Variants in TFRC observed in about 807,000 individuals in gnomAD.
The protein encoded by TFRC is transferrin receptor, also known as transferrin receptor protein 1.
A neutral mutation model predicts 85.8 loss-of-function variants in TFRC; 35 were observed. The ratio of observed to expected loss-of-function variants is 0.41; its 90% confidence interval spans 0.31 to 0.54. The LOEUF is 0.54. Among genes scored for constraint, TFRC ranks in the 20% least tolerant of loss-of-function variants. TFRC has a pLI of 0.31. For synonymous variants in TFRC, 362 were observed against 328.6 expected, an observed-to-expected ratio of 1.10 and a Z score of -1.10; for missense variants, 828 against 921.5, an observed-to-expected ratio of 0.90 and a Z score of 1.31.
chr3:196,069,604 G>T, intron 6 of TFRC, 36 bp from the exon 7 acceptor site: 1 of 1,294,624 alleles, frequency 7.7e-7, no homozygotes, highest in Non-Finnish European at 1.1e-6. Context: ...GAGCATTATG[G>T]TATCGGAACA....
At chr3:196,075,520 G>C (rs17091577) in intron 2 of TFRC, among the ~76,000 whole-genome samples, 160 bp from the exon 3 acceptor site, 1,664 of 152,118 alleles carry the variant, frequency 0.011, 30 homozygotes, top group African/African-American at 0.038. Context: ...CCCAGTCAAG[G>C]GCTAGTTCAC....
At chr3:196,063,043 C>A (rs1389648945) in intron 11 of TFRC, 104 bp from the exon 12 acceptor site, 23 of 776,682 alleles carry the variant, frequency 3.0e-5, no homozygotes, top group Non-Finnish European at 4.1e-5. Context: ...TCCAAGATAG[C>A]AGATTCCAAA....
In TFRC at chr3:196,080,665, GTCTA is replaced by G. The variant is rs1171597179; in HGVS notation, c.-24+1374_-24+1377del. Among the ~76,000 whole-genome samples the G allele has an allele frequency of 4.6e-5, 7 of 152,260 alleles. No homozygotes were observed. In the East Asian group the frequency reaches 1.2e-3, roughly 25 times the overall value. ...TTAGGGCGGAGTTAGCCAAACTGCT[GTCTA>G]TCTAACAATCTTCAACACAGGCTAG... On this transcript the variant is annotated intron_variant, in intron 1 of 18. Coordinates refer to ENST00000360110, the MANE Select transcript of TFRC (RefSeq NM_001128148.3).
chr3:196,065,802 C>T (rs756510421), intron 9 of TFRC, among the ~76,000 whole-genome samples: 11 of 151,932 alleles, frequency 7.2e-5, no homozygotes, highest in East Asian at 3.9e-4. Context: ...CCAGCCTGAC[C>T]GACATGGTGA....
chr3:196,071,691 AG>A (rs1275908463), intron 5 of TFRC, among the ~76,000 whole-genome samples, 193 bp from the exon 6 acceptor site: 6 of 152,226 alleles, frequency 3.9e-5, no homozygotes, highest in African/African-American at 1.4e-4. Context: ...TGGGAGGCCC[AG>A]GCGGGCTGAT....
intron 2 of TFRC, among the ~76,000 whole-genome samples, chr3:196,076,336 G>A (rs555608168): frequency 1.3e-5 from 2 of 151,742 alleles, no homozygotes; most frequent in Non-Finnish European, 2.9e-5. Flanking sequence ...ATAGAGATGG[G>A]CTTGCTATGT....
rs559298524 is a variant in TFRC, at chr3:196,057,178, G to A, written c.1677+1106C>T. On this transcript the variant is annotated intron_variant, in intron 16 of 18. Transcript: ENST00000360110. ...GAAGTAAAAACTAAAAGGCAGAGGT[G>A]GACAGCCCAGCGCTGCCGCACCCTG... Among the ~76,000 whole-genome samples the A allele has an allele frequency of 1.4e-4, 22 of 152,298 alleles. No homozygotes were observed. In the South Asian group the frequency reaches 4.4e-3, roughly 30 times the overall value.
At chr3:196,072,283 A>T in intron 4 of TFRC, 131 bp from the exon 5 acceptor site, 1 of 1,225,712 alleles carries the variant, frequency 8.2e-7, no homozygotes. Context: ...CTGTGACCCA[A>T]AACTTCTAGA....
chr3:196,058,883 T>C, intron 14 of TFRC: 1 of 253,258 alleles, frequency 3.9e-6, no homozygotes, highest in South Asian at 6.4e-5. Context: ...AAAGTGGGCC[T>C]AGGCCGGGTG....
chr3:196,060,109 CAG>C, intron 14 of TFRC, 69 bp downstream of exon 14: 1 of 1,203,490 alleles, frequency 8.3e-7, no homozygotes, highest in Non-Finnish European at 1.2e-6. Flanking sequence ...GTTTACATAT[CAG>C]TGTTTTTTAT....
At chr3:196,077,821 T>C (rs1718836046) in intron 1 of TFRC, among the ~76,000 whole-genome samples, 1 of 151,994 alleles carries the variant, frequency 6.6e-6, no homozygotes, top group South Asian at 2.1e-4. Flanking sequence ...CCAGTTATGC[T>C]ACAAATACCA....
chr3:196,074,869 A>C (rs1577251747), intron 3 of TFRC, among the ~76,000 whole-genome samples: 4 of 125,294 alleles, frequency 3.2e-5, no homozygotes, highest in Admixed American at 8.5e-5. Flanking sequence ...ACAGAGTGAG[A>C]CTCCAACTCA....
chr3:196,052,966 G>A (rs41298081), intron 18 of TFRC, among the ~76,000 whole-genome samples: 3,004 of 151,946 alleles, frequency 0.02, 92 homozygotes, highest in African/African-American at 0.069. Flanking sequence ...TACAAAAAAT[G>A]AGCCGGGCGT....
At chr3:196,063,807 C>T (rs1163209308) in intron 11 of TFRC, among the ~76,000 whole-genome samples, 1 of 152,110 alleles carries the variant, frequency 6.6e-6, no homozygotes, top group Non-Finnish European at 1.5e-5. Flanking sequence ...ATCCCAGCTA[C>T]TCAGGAGGCT....
chr3:196,059,617 T>A (rs7349507), intron 14 of TFRC, among the ~76,000 whole-genome samples: 44,874 of 151,642 alleles, frequency 0.3, 7,378 homozygotes, highest in Non-Finnish European at 0.38. Flanking sequence ...TTTATTTATT[T>A]TTTTTTTAAT....
chr3:196,058,275 C>T lies in TFRC; in HGVS notation c.1677+9G>A, dbSNP rs369386507. On this transcript the variant is annotated intron_variant, in intron 16 of 18. Transcript: ENST00000360110. ...TCTCTCCATTTGTCATTTAAATGAACAGACTTACCTCGCAAAAACAGAAAG... is the reference window on the plus strand; with the variant it reads ...TCTCTCCATTTGTCATTTAAATGAATAGACTTACCTCGCAAAAACAGAAAG... The T allele has an allele frequency of 2.6e-5, 42 of 1,611,126 alleles. No homozygotes were observed. Among genetic ancestry groups the T allele is most frequent in the Non-Finnish European group, 1.7e-6 (2 of 1,178,222 alleles).
At chr3:196,058,113 T>G in intron 16 of TFRC, 171 bp downstream of exon 16, 1 of 505,958 alleles carries the variant, frequency 2.0e-6, no homozygotes, top group Non-Finnish European at 3.6e-6. Flanking sequence ...CTCAAAGTAA[T>G]TTTGTAATCC....
chr3:196,064,773 G>A (rs1418939884), intron 10 of TFRC, among the ~76,000 whole-genome samples: 1 of 152,228 alleles, frequency 6.6e-6, no homozygotes, highest in Non-Finnish European at 1.5e-5. Flanking sequence ...CGCACAGTCT[G>A]TGCCTGTTTT....
At chr3:196,052,568 G>A (rs759699126) in intron 18 of TFRC, among the ~76,000 whole-genome samples, 2 of 152,034 alleles carry the variant, frequency 1.3e-5, no homozygotes, top group African/African-American at 2.4e-5. Context: ...AGCCTCCTGA[G>A]CAGCTGGAAT....
Sources: gnomAD v4.1 joint callset for allele counts (sites outside exome capture counted in the v4.1 genomes callset) on GRCh38, gnomAD v4.1.1 for gene constraint, MANE v1.5 for transcripts, NCBI Gene and HGNC (gene_info 2026-07-23, HGNC 2026-07-21) for gene names.